The following PIKFYVE variants were observed in gnomAD, a reference collection of about 807,000 sequenced individuals.
PIKFYVE encodes 1-phosphatidylinositol 3-phosphate 5-kinase.
In PIKFYVE, 122 loss-of-function variants were observed where a neutral mutation model predicts 257.9. The ratio of observed to expected loss-of-function variants is 0.47; its 90% CI spans 0.41 to 0.55. The LOEUF is 0.55. PIKFYVE is among the 20% of genes least tolerant of loss of function. The pLI is 0.00. For missense variants in PIKFYVE, 2,160 were observed against 2,536.6 expected (o/e 0.85, Z 3.19); for synonymous variants, 892 against 868.9 (o/e 1.03, Z -0.47).
At chr2:208,307,571 CA>C (rs1424492896) in intron 12 of PIKFYVE, among the ~76,000 whole-genome samples, 6 of 37,880 alleles carry the variant, frequency 1.6e-4, no homozygotes, top group Admixed American at 4.4e-4. Context: ...GTGATAGATA[CA>C]TTTTTTTTTT....
chr2:208,326,064 G>A lies in PIKFYVE; in HGVS notation c.3253G>A (p.Val1085Ile). The change falls in exon 20 of 42, where the codon GTT becomes ATT. Residue 1085 changes from valine (V) to isoleucine (I), a missense_variant. Transcript: ENST00000264380. ...CSTRDYFAEQVYWSPLLNKEF... is the reference protein window; with the variant it reads ...CSTRDYFAEQIYWSPLLNKEF... ...TACCCGAGATTATTTTGCAGAGCAG[G>A]TTTACTGGTCTCCTCTCCTCAATAA... 2 of 1,614,142 alleles carry A rather than the reference G, an allele frequency of 1.2e-6. No individual in the cohort carries two copies. Among genetic ancestry groups the A allele is most frequent in the Non-Finnish European group, 1.7e-6 (2 of 1,180,018 alleles).
At chr2:208,314,218 C>T (rs373597470) in intron 13 of PIKFYVE, 76 bp from the exon 14 acceptor site, 1 of 1,503,958 alleles carries the variant, frequency 6.6e-7, no homozygotes, top group African/African-American at 1.4e-5. Flanking sequence ...AGACAAAGGG[C>T]AATTTCTAAA....
chr2:208,350,706 G>C, intron 36 of PIKFYVE, 65 bp from the exon 37 acceptor site: 1 of 1,557,176 alleles, frequency 6.4e-7, no homozygotes, highest in Non-Finnish European at 8.8e-7. Flanking sequence ...GGGAGTGAGG[G>C]AGCGGAGGAG....
At chr2:208,304,446 G>C in intron 11 of PIKFYVE, 128 bp downstream of exon 11, 1 of 1,243,614 alleles carries the variant, frequency 8.0e-7, no homozygotes, top group South Asian at 1.3e-5. Flanking sequence ...GGAAACATCT[G>C]ATAGCAGTCT....
chr2:208,336,420 C>G (rs1298521387), intron 27 of PIKFYVE, among the ~76,000 whole-genome samples: 2 of 152,030 alleles, frequency 1.3e-5, no homozygotes, highest in African/African-American at 4.8e-5. Flanking sequence ...GGAGAACAGC[C>G]TTTGATGCTG....
chr2:208,281,626 TC>T (rs890635678), intron 5 of PIKFYVE, among the ~76,000 whole-genome samples: 4 of 152,162 alleles, frequency 2.6e-5, no homozygotes, highest in African/African-American at 9.7e-5. Context: ...ATTAGCAGTG[TC>T]TTGCAAGGCA....
At chr2:208,288,300 C>A (rs1286294549) in intron 6 of PIKFYVE, among the ~76,000 whole-genome samples, 1 of 152,092 alleles carries the variant, frequency 6.6e-6, no homozygotes. Flanking sequence ...AACCCAAGGT[C>A]ATGTAGCTAG....
chr2:208,298,586 TGTTTA>T, intron 7 of PIKFYVE, 50 bp from the exon 8 acceptor site: 2 of 1,594,660 alleles, frequency 1.3e-6, no homozygotes, highest in Non-Finnish European at 1.7e-6. Flanking sequence ...TCTGTAATTC[TGTTTA>T]TTGAAGAAGA....
At chr2:208,352,898 G>C in intron 39 of PIKFYVE, 116 bp downstream of exon 39, 1 of 1,315,080 alleles carries the variant, frequency 7.6e-7, no homozygotes. Context: ...TTTAACTTTG[G>C]TTACTAGGCC....
At chr2:208,306,205 A>G (rs1380034858) in intron 12 of PIKFYVE, among the ~76,000 whole-genome samples, 2 of 152,254 alleles carry the variant, frequency 1.3e-5, no homozygotes, top group African/African-American at 2.4e-5. Flanking sequence ...AGACTTGACT[A>G]GCATTGAACA....
At chr2:208,289,050 C>T (rs1300577531) in intron 7 of PIKFYVE, among the ~76,000 whole-genome samples, 1 of 152,190 alleles carries the variant, frequency 6.6e-6, no homozygotes, top group Non-Finnish European at 1.5e-5. Context: ...CATCCTTTCT[C>T]TTCTGGTTAA....
At chr2:208,310,674 C>A (rs1333622400) in intron 12 of PIKFYVE, among the ~76,000 whole-genome samples, 14 of 151,942 alleles carry the variant, frequency 9.2e-5, no homozygotes, top group Non-Finnish European at 1.6e-4. Context: ...GATTGTACTC[C>A]GAATGTGGGA....
chr2:208,320,240 C>A lies in PIKFYVE; in HGVS notation c.2083-12C>A. The stretch of plus-strand genomic sequence containing the variant: ...CCTTTAAACACTTTAACAAACTGTT[C>A]ATTTTTTGTAGATGAGTTCTTGTAT... On this transcript the variant is annotated splice_polypyrimidine_tract_variant and intron_variant, in intron 16 of 41. Coordinates refer to ENST00000264380, the MANE Select transcript of PIKFYVE (RefSeq NM_015040.4). 2 of 1,609,356 alleles carry A rather than the reference C, an allele frequency of 1.2e-6. No individual in the cohort carries two copies. Among genetic ancestry groups the A allele is most frequent in the South Asian group, 2.2e-5 (2 of 90,442 alleles).
rs1427557921 is a variant in PIKFYVE at position 208,339,508 on chromosome 2, A to C, written c.4763A>C (p.Gln1588Pro). 6 of 1,614,068 alleles carry C rather than the reference A, an allele frequency of 3.7e-6. No individual in the cohort carries two copies. The highest frequency in any genetic ancestry group is 5.1e-6 in the Non-Finnish European group (6 of 1,180,040). The change falls in exon 30 of 42, where the codon CAG becomes CCG. Residue 1588 changes from glutamine (Q) to proline (P), a missense_variant. This residue lies in a region of PIKFYVE where 699 missense variants were observed against 855.8 expected (regional missense o/e 0.82). Transcript: ENST00000264380. Reference sequence around the variant, plus strand: ...ACGCCACCTGAAGTCATGTCTGAACAGTCAGTGGGAGGGCCCCCTGAGCTA... The same window carrying C: ...ACGCCACCTGAAGTCATGTCTGAACCGTCAGTGGGAGGGCCCCCTGAGCTA... ...LPTPPEVMSE[Q>P]SVGGPPELDT...
intron 20 of PIKFYVE, 129 bp downstream of exon 20, chr2:208,326,558 T>A (rs1448146617): frequency 9.6e-7 from 1 of 1,043,130 alleles, no homozygotes; most frequent in African/African-American, 1.6e-5. Context: ...TCCTATGCTA[T>A]TTTTGTTTTT....
At chr2:208,315,430 A>C in intron 15 of PIKFYVE, 57 bp downstream of exon 15, 1 of 1,592,034 alleles carries the variant, frequency 6.3e-7, no homozygotes. Flanking sequence ...GACTGATTGT[A>C]ATTTTTGTCT....
intron 10 of PIKFYVE, among the ~76,000 whole-genome samples, chr2:208,303,882 C>G (rs1471683989): frequency 2.0e-5 from 3 of 152,166 alleles, no homozygotes; most frequent in Non-Finnish European, 2.9e-5. Context: ...GCTATCTTCA[C>G]TCTCAGGACT....
chr2:208,325,494 G>A lies in PIKFYVE; in HGVS notation c.2683G>A (p.Gly895Arg), dbSNP rs1286784347. Residue 895 changes from glycine (G) to arginine (R), a missense_variant, in exon 20 of 42, where the codon GGA becomes AGA. This residue lies in a region of PIKFYVE where 522 missense variants were observed against 514.6 expected (regional missense o/e 1.01). Transcript: ENST00000264380. ...CCCTTCATTCCATTCCCTGATTGAG[G>A]GACGAGGGCATGAGGGGGCTGTCCA... ...QNPSFHSLIE[G>R]RGHEGAVQEQ... is the part of the protein sequence containing the mutation. The A allele has an allele frequency of 6.2e-7, 1 of 1,614,070 alleles. No individual in the cohort carries two copies. Among genetic ancestry groups the A allele is most frequent in the Non-Finnish European group, 8.5e-7 (1 of 1,180,036 alleles).
chr2:208,304,522 T>C (rs1340698941), intron 11 of PIKFYVE, among the ~76,000 whole-genome samples: 1 of 152,238 alleles, frequency 6.6e-6, no homozygotes, highest in Non-Finnish European at 1.5e-5. Flanking sequence ...TTTACCATAG[T>C]CTATAGTTTG....
Sources: allele counts gnomAD v4.1 joint callset (sites outside exome capture counted in the v4.1 genomes callset), GRCh38; gene constraint gnomAD v4.1.1; regional missense constraint gnomAD v4.1.1; transcripts MANE v1.5; gene names NCBI Gene and HGNC (gene_info 2026-07-23, HGNC 2026-07-21).